Variants in CIAO1 observed in about 807,000 individuals in gnomAD.
CIAO1 encodes cytosolic iron-sulfur assembly component 1.
Under a neutral mutation model 43.1 loss-of-function variants are expected in CIAO1, and 32 were observed. The observed-to-expected ratio is 0.74, with a 90% CI of 0.56 to 1.00. The LOEUF is 1.00. Ranked by LOEUF, CIAO1 falls within the 50% of genes least tolerant of loss-of-function variation. CIAO1 has a pLI of 0.00. For missense variants in CIAO1, 415 were observed against 437.4 expected (o/e 0.95, Z 0.46); for synonymous variants, 183 against 171.4 (o/e 1.07, Z -0.53).
chr2:96,266,680 T>C (rs1427951461), intron 1 of CIAO1, among the ~76,000 whole-genome samples, 191 bp downstream of exon 1: 1 of 152,146 alleles, frequency 6.6e-6, no homozygotes, highest in Non-Finnish European at 1.5e-5. Flanking sequence ...GCAGACAAGC[T>C]GAAATGTCAA....
At position 96,267,423 on chromosome 2, in the gene CIAO1, T is replaced by C; in HGVS notation, c.242T>C (p.Phe81Ser). 6.2e-7 allele frequency: 1 copy of C among 1,614,192 alleles called. No homozygotes were observed. Residue 81 changes from phenylalanine (F) to serine (S), a missense_variant, in exon 2 of 7, where the codon TTT (phenylalanine) becomes TCT (serine). By Grantham distance (155) the Phe-to-Ser change is radical. Transcript: ENST00000488633. ...PCGNYLASASFDATTCIWKKN... is the reference protein window; with the variant it reads ...PCGNYLASASSDATTCIWKKN... ...GGTAATTACCTGGCCTCTGCCAGCT[T>C]TGATGCTACCACTTGCATTTGGAAG...
rs374736407 is a variant in CIAO1 at position 96,271,127 on chromosome 2, G to C, written c.796G>C (p.Ala266Pro). The C allele has an allele frequency of 6.2e-7, 1 of 1,614,082 alleles. No homozygotes were observed. The highest frequency in any genetic ancestry group is 1.3e-5 in the African/African-American group (1 of 74,946). The stretch of plus-strand genomic sequence containing the variant: ...TCCTTCCAGGTGTCAGCTGACAGGG[G>C]CTCTGGCCACAGCTTGTGGGGATGA... ...YDIAWCQLTGALATACGDDAI... is the reference protein window; with the variant it reads ...YDIAWCQLTGPLATACGDDAI... Residue 266 changes from alanine to proline, a missense_variant, in exon 7 of 7, where the codon GCT (alanine) becomes CCT (proline). Coordinates refer to ENST00000488633, the MANE Select transcript of CIAO1 (RefSeq NM_004804.3).
intron 1 of CIAO1, 51 bp from the exon 2 acceptor site, chr2:96,267,270 C>T (rs1558757828): frequency 1.3e-6 from 2 of 1,554,014 alleles, no homozygotes; most frequent in Non-Finnish European, 8.7e-7. Flanking sequence ...TATTGAATGG[C>T]TTCATGGTGC....
In CIAO1 at chr2:96,266,240, C is replaced by G. The variant is rs1038683286; in HGVS notation, c.-111C>G. The stretch of plus-strand genomic sequence containing the variant: ...CAGGTCCTCCGGCGGAAGCGGGAGC[C>G]TCTGTCGGCCGCGGAAGCCTGGAGT... On this transcript the variant is annotated 5_prime_UTR_variant, in exon 1 of 7. Coordinates refer to ENST00000488633, the MANE Select transcript of CIAO1 (RefSeq NM_004804.3). 1 of 1,206,306 alleles carries G rather than the reference C, an allele frequency of 8.3e-7. No individual in the cohort carries two copies. The highest frequency in any genetic ancestry group is 1.1e-6 in the Non-Finnish European group (1 of 950,404). The allele number at this position is 1,206,306 out of a possible 1,614,324, so 74.7% of individuals were successfully genotyped here.
Position 96,266,241 on chromosome 2 carries a change from T to C in CIAO1, c.-110T>C. ...AGGTCCTCCGGCGGAAGCGGGAGCC[T>C]CTGTCGGCCGCGGAAGCCTGGAGTG... is the stretch of plus-strand genomic sequence containing the variant. On this transcript the variant is annotated 5_prime_UTR_variant, in exon 1 of 7. Coordinates refer to ENST00000488633, the MANE Select transcript of CIAO1 (RefSeq NM_004804.3). 7 of 1,211,610 alleles carry C rather than the reference T, an allele frequency of 5.8e-6. No individual in the cohort carries two copies. The highest frequency in any genetic ancestry group is 7.3e-6 in the Non-Finnish European group (7 of 955,108). 75.1% of individuals were successfully genotyped at this position (1,211,610 alleles called of 1,614,324 possible).
In CIAO1 at chr2:96,271,109, A is replaced by G; in HGVS notation, c.780-2A>G. 3 of 1,614,130 alleles carry G rather than the reference A, an allele frequency of 1.9e-6. No homozygotes were observed. Among genetic ancestry groups the G allele is most frequent in the Non-Finnish European group, 2.5e-6 (3 of 1,180,000 alleles). ...TACCCACTGATGTCACTTTCCTTCC[A>G]GGTGTCAGCTGACAGGGGCTCTGGC... is the stretch of plus-strand genomic sequence containing the variant. On this transcript the variant is annotated splice_acceptor_variant, in intron 6 of 6. Coordinates refer to ENST00000488633, the MANE Select transcript of CIAO1 (RefSeq NM_004804.3). LOFTEE classifies it high-confidence loss of function.
intron 1 of CIAO1, 94 bp downstream of exon 1, chr2:96,266,583 C>T (rs1684434821): frequency 9.7e-6 from 12 of 1,240,644 alleles, no homozygotes; most frequent in Non-Finnish European, 1.2e-5. Context: ...TGAACCTGTT[C>T]CTGGCGGAGG....
chr2:96,268,690 C>A (rs1684484813), intron 5 of CIAO1, 32 bp downstream of exon 5: 2 of 1,608,906 alleles, frequency 1.2e-6, no homozygotes, highest in East Asian at 2.2e-5. Context: ...AAAGAAGACC[C>A]ATCTCTCAAG....
intron 1 of CIAO1, 107 bp downstream of exon 1, chr2:96,266,596 G>A: frequency 8.3e-7 from 1 of 1,202,226 alleles, no homozygotes. Context: ...GGCGGAGGGA[G>A]AGTGGGATGT....
At position 96,268,624 on chromosome 2, in the gene CIAO1, T is replaced by C. The variant is rs1366832091; in HGVS notation, c.657T>C (p.Arg219=). 6.2e-7 allele frequency: 1 copy of C among 1,614,210 alleles called. No homozygotes were observed. Among genetic ancestry groups the C allele is most frequent in the Non-Finnish European group, 8.5e-7 (1 of 1,180,042 alleles). ...LASCSDDRTV[R]IWRQYLPGNE... ...CTTGTAGTGATGACCGTACTGTGCG[T>C]ATCTGGCGTCAGTATCTACCAGGCA... Residue 219 remains arginine (R), a synonymous_variant, in exon 5 of 7, where the codon CGT becomes CGC. Transcript: ENST00000488633.
Position 96,267,676 on chromosome 2 carries a change from G to C in CIAO1, c.340G>C (p.Ala114Pro). The part of the protein sequence containing the change: ...HENEVKSVAW[A>P]PSGNLLATCS... ...AAATGAGGTCAAGTCAGTGGCTTGG[G>C]CCCCATCTGGCAACCTCCTGGCCAC... is the stretch of plus-strand genomic sequence containing the variant. Residue 114 changes from alanine (A) to proline (P), a missense_variant, in exon 3 of 7, where the codon GCC becomes CCC. Physicochemically the swap from Ala to Pro is conservative, Grantham distance 27. Transcript: ENST00000488633. The C allele has an allele frequency of 6.2e-7, 1 of 1,614,134 alleles. No homozygotes were observed. The highest frequency in any genetic ancestry group is 8.5e-7 in the Non-Finnish European group (1 of 1,180,038).
rs1684541020 is a variant in CIAO1 at position 96,271,107 on chromosome 2, C to T, written c.780-4C>T. The T allele has an allele frequency of 6.2e-7, 1 of 1,614,010 alleles. No individual in the cohort carries two copies. The highest frequency in any genetic ancestry group is 1.7e-5 in the Admixed American group (1 of 60,010). On this transcript the variant is annotated splice_polypyrimidine_tract_variant and splice_region_variant and intron_variant, in intron 6 of 6. Transcript: ENST00000488633. ...TATACCCACTGATGTCACTTTCCTT[C>T]CAGGTGTCAGCTGACAGGGGCTCTG...
rs549269750 is a variant in CIAO1, at chr2:96,266,427, C to G, written c.77C>G (p.Pro26Arg). ...CGCTGCTGGTTCCTGGCCTGGAACC[C>G]CGCGGGGACCCTGCTGGCCTCGTGC... is the stretch of plus-strand genomic sequence containing the variant. ...DSRCWFLAWN[P>R]AGTLLASCGG... The change falls in exon 1 of 7, where the codon CCC becomes CGC. Residue 26 changes from proline (P) to arginine (R), a missense_variant. Pro to Arg is a moderately radical substitution (Grantham distance 103, BLOSUM62 -2). Transcript: ENST00000488633. 6.4e-7 allele frequency: 1 copy of G among 1,560,686 alleles called. No individual in the cohort carries two copies. The highest frequency in any genetic ancestry group is 2.0e-4 in the Middle Eastern group (1 of 5,038).
In CIAO1 at chr2:96,267,864, C is replaced by T; in HGVS notation, c.429C>T (p.Val143=). 1 of 1,614,114 alleles carries T rather than the reference C, an allele frequency of 6.2e-7. No individual in the cohort carries two copies. Among genetic ancestry groups the T allele is most frequent in the Non-Finnish European group, 8.5e-7 (1 of 1,180,008 alleles). The change falls in exon 4 of 7, where the codon GTC becomes GTT. Residue 143 remains valine (V), a synonymous_variant. Coordinates refer to ENST00000488633, the MANE Select transcript of CIAO1 (RefSeq NM_004804.3). ...ATGAAGAGGATGAGTATGAATGTGT[C>T]AGTGTTCTCAACTCCCACACACAGG... The part of the protein sequence containing the change: ...EVDEEDEYEC[V]SVLNSHTQDV...
At position 96,272,145 on chromosome 2, in the gene CIAO1, G is replaced by A. The variant is rs899079180; in HGVS notation, c.*794G>A. On this transcript the variant is annotated 3_prime_UTR_variant, in exon 7 of 7. Coordinates refer to ENST00000488633, the MANE Select transcript of CIAO1 (RefSeq NM_004804.3). Reference sequence around the variant, plus strand: ...CATTTTCATGGCAGGGAGTGATCAGGAAGAAGGCTTCCTAGGGGACTGGCG... The same window carrying A: ...CATTTTCATGGCAGGGAGTGATCAGAAAGAAGGCTTCCTAGGGGACTGGCG... 2 of 152,224 alleles carry A rather than the reference G, an allele frequency of 1.3e-5. No individual in the cohort carries two copies. The highest frequency in any genetic ancestry group is 4.8e-5 in the African/African-American group (2 of 41,460). The allele number at this position is 152,224 out of a possible 1,614,324, so 9.4% of individuals were successfully genotyped here.
rs555550230 is a variant in CIAO1, at chr2:96,266,246, C to T, written c.-105C>T. 3.3e-6 allele frequency: 4 copies of T among 1,223,812 alleles called. No homozygotes were observed. The highest frequency in any genetic ancestry group is 2.9e-5 in the South Asian group (1 of 34,976). The allele number at this position is 1,223,812 out of a possible 1,614,324, so 75.8% of individuals were successfully genotyped here. A position where few individuals can be genotyped will look rare whatever the true frequency, so the allele number is the denominator to read the frequency against. On this transcript the variant is annotated 5_prime_UTR_variant, in exon 1 of 7. Coordinates refer to ENST00000488633, the MANE Select transcript of CIAO1 (RefSeq NM_004804.3). ...CTCCGGCGGAAGCGGGAGCCTCTGT[C>T]GGCCGCGGAAGCCTGGAGTGGGCGG... is the stretch of plus-strand genomic sequence containing the variant.
intron 1 of CIAO1, 23 bp from the exon 2 acceptor site, chr2:96,267,298 C>G (rs1209718485): frequency 2.1e-5 from 33 of 1,600,168 alleles, no homozygotes; most frequent in Non-Finnish European, 2.8e-5. Context: ...AGCTCCAGAG[C>G]CTGGCCTGCG....
At position 96,268,459 on chromosome 2, in the gene CIAO1, C is replaced by G; in HGVS notation, c.492C>G (p.Leu164=). 1.2e-6 allele frequency: 2 copies of G among 1,614,114 alleles called. No individual in the cohort carries two copies. The highest frequency in any genetic ancestry group is 1.7e-6 in the Non-Finnish European group (2 of 1,179,970). The change falls in exon 5 of 7, where the codon CTC becomes CTG. Residue 164 remains leucine, a splice_region_variant and synonymous_variant. Transcript: ENST00000488633. The part of the protein sequence containing the change: ...KHVVWHPSQE[L]LASASYDDTV... ...GTTTCCTTTCACTCTTCCCCCAGCT[C>G]TTAGCTTCTGCCAGCTATGATGACA...
Position 96,271,295 on chromosome 2 carries a change from T to G in CIAO1, c.964T>G (p.Cys322Gly). Residue 322 changes from cysteine (C) to glycine (G), a missense_variant, in exon 7 of 7, where the codon TGC becomes GGC. Transcript: ENST00000488633. The stretch of plus-strand genomic sequence containing the variant: ...CAAGGAGCCAGGGCTACTGGCCTCC[T>G]GCAGTGATGATGGGGAGGTGGCCTT... ...NPKEPGLLAS[C>G]SDDGEVAFWK... 2 of 1,614,234 alleles carry G rather than the reference T, an allele frequency of 1.2e-6. No individual in the cohort carries two copies. Among genetic ancestry groups the G allele is most frequent in the Non-Finnish European group, 1.7e-6 (2 of 1,180,038 alleles).
Sources: allele counts gnomAD v4.1 joint callset (sites outside exome capture counted in the v4.1 genomes callset), GRCh38; gene constraint gnomAD v4.1.1; transcripts MANE v1.5; gene names NCBI Gene and HGNC (gene_info 2026-07-23, HGNC 2026-07-21).